MTARC1: variants seen among roughly 807,000 people sequenced by gnomAD.
MTARC1 encodes mitochondrial amidoxime-reducing component 1.
A neutral mutation model predicts 33.6 loss-of-function variants in MTARC1; 24 were observed. That is an observed-to-expected ratio of 0.72 (90% CI 0.52 to 1.01). The LOEUF is 1.01. Among genes scored for constraint, MTARC1 ranks in the 50% least tolerant of loss-of-function variants. The pLI is 0.00. For synonymous variants in MTARC1, 187 were observed against 189.5 expected (o/e 0.99, Z 0.11); for missense variants, 417 against 445.7 (o/e 0.94, Z 0.58).
intron 6 of MTARC1, among the ~76,000 whole-genome samples, chr1:220,809,134 C>T (rs1673054270): frequency 6.6e-6 from 1 of 152,202 alleles, no homozygotes. Context: ...CCTAGTCTGG[C>T]TCTGTCACCT....
chr1:220,787,342 CTG>C lies in MTARC1; in HGVS notation c.275+124_275+125del, dbSNP rs1454160792. The C allele has an allele frequency of 3.0e-6, 4 of 1,338,080 alleles. No homozygotes were observed. In the African/African-American group the frequency reaches 6.1e-5, roughly 21 times the overall value. 82.9% of individuals were successfully genotyped at this position (1,338,080 alleles called of 1,614,324 possible). On this transcript the variant is annotated intron_variant, in intron 1 of 6. Transcript: ENST00000366910. Reference sequence around the variant, plus strand: ...GGTCCTTCCTCCTATTACAAAGAAACTGGGAGTTGGGTGAGACAAGGCCAAAG... The same window carrying C: ...GGTCCTTCCTCCTATTACAAAGAAACGGAGTTGGGTGAGACAAGGCCAAAG...
chr1:220,805,315 C>T, intron 6 of MTARC1, 41 bp downstream of exon 6: 4 of 1,604,996 alleles, frequency 2.5e-6, no homozygotes, highest in Non-Finnish European at 3.4e-6. Context: ...GGTTTAGGTG[C>T]CGGGAACGGA....
chr1:220,798,745 T>C (rs1279885421), intron 4 of MTARC1: 1 of 799,308 alleles, frequency 1.3e-6, no homozygotes, highest in Non-Finnish European at 1.5e-6. Flanking sequence ...TCAGGAGCTC[T>C]GGTTGTGCCT....
chr1:220,791,743 T>C (rs1354620294), intron 2 of MTARC1, 79 bp downstream of exon 2: 20 of 1,495,758 alleles, frequency 1.3e-5, no homozygotes. Flanking sequence ...CTAGAGGGAA[T>C]GCTGAGAAAC....
rs1380062542 is a variant in MTARC1, at chr1:220,819,143, A to T, written c.*5725A>T. The T allele has an allele frequency of 1.3e-5, 2 of 152,180 alleles. No homozygotes were observed. The highest frequency in any genetic ancestry group is 4.8e-5 in the African/African-American group (2 of 41,430). The allele number at this position is 152,180 out of a possible 1,614,324, so 9.4% of individuals were successfully genotyped here. ...TTGTTATGATGACCTTTGTTATTCC[A>T]TTAGGCTCAATTGCTTTAAAAAATG... On this transcript the variant is annotated 3_prime_UTR_variant, in exon 7 of 7. Transcript: ENST00000366910.
rs1475967496 is a variant in MTARC1, at chr1:220,815,308, C to T, written c.*1890C>T. 2 of 152,266 alleles carry T rather than the reference C, an allele frequency of 1.3e-5. No homozygotes were observed. Among genetic ancestry groups the T allele is most frequent in the African/African-American group, 2.4e-5 (1 of 41,472 alleles). 9.4% of individuals were successfully genotyped at this position (152,266 alleles called of 1,614,324 possible). Reference sequence around the variant, plus strand: ...ATCAGAAACCCAAGGTTTGGTGGCTCTTCCTAGGTATTTATAATTAGTGGC... The same window carrying T: ...ATCAGAAACCCAAGGTTTGGTGGCTTTTCCTAGGTATTTATAATTAGTGGC... On this transcript the variant is annotated 3_prime_UTR_variant, in exon 7 of 7. Transcript: ENST00000366910.
rs2102614560 is a variant in MTARC1, at chr1:220,814,519, G to A, written c.*1101G>A. ...AAGGTGGGAGAATGGCTTGAGCCCA[G>A]GAGTTTGAGACCAGCCCAGAAAATA... On this transcript the variant is annotated 3_prime_UTR_variant, in exon 7 of 7. Coordinates refer to ENST00000366910, the MANE Select transcript of MTARC1 (RefSeq NM_022746.4). The A allele has an allele frequency of 6.6e-6, 1 of 152,348 alleles. No individual in the cohort carries two copies. The highest frequency in any genetic ancestry group is 2.4e-5 in the African/African-American group (1 of 41,562). The allele number at this position is 152,348 out of a possible 1,614,324, so 9.4% of individuals were successfully genotyped here. A position where few individuals can be genotyped will look rare whatever the true frequency, so the allele number is the denominator to read the frequency against.
chr1:220,817,304 C>T lies in MTARC1; in HGVS notation c.*3886C>T, dbSNP rs750055061. The T allele has an allele frequency of 3.2e-5, 5 of 157,002 alleles. No individual in the cohort carries two copies. The highest frequency in any genetic ancestry group is 2.9e-3 in the Middle Eastern group (1 of 342). The allele number at this position is 157,002 out of a possible 1,614,324, so 9.7% of individuals were successfully genotyped here. ...CTTCAAGAATGAAGCCACAGACCTT[C>T]GCAGTGAGTGTTACAGCTCTTAAAG... On this transcript the variant is annotated 3_prime_UTR_variant, in exon 7 of 7. Transcript: ENST00000366910.
chr1:220,811,529 C>A (rs1673133563), intron 6 of MTARC1, among the ~76,000 whole-genome samples: 1 of 152,174 alleles, frequency 6.6e-6, no homozygotes, highest in South Asian at 2.1e-4. Flanking sequence ...TTCTCCTTAA[C>A]AATTTCTGAT....
chr1:220,812,131 C>T (rs1673151073), intron 6 of MTARC1, among the ~76,000 whole-genome samples: 4 of 152,140 alleles, frequency 2.6e-5, no homozygotes. Flanking sequence ...AGCATGGGGA[C>T]CTGGAGGAGG....
intron 4 of MTARC1, chr1:220,798,433 G>A: frequency 3.0e-6 from 3 of 985,436 alleles, no homozygotes; most frequent in Non-Finnish European, 3.6e-6. Flanking sequence ...GCTGCTGGGT[G>A]AGGGTTGGGA....
In MTARC1 at chr1:220,817,173, A is replaced by G. The variant is rs2102616474; in HGVS notation, c.*3755A>G. On this transcript the variant is annotated 3_prime_UTR_variant, in exon 7 of 7. Coordinates refer to ENST00000366910, the MANE Select transcript of MTARC1 (RefSeq NM_022746.4). ...GAGTGCAGTGGTGAGATCTCAGCTC[A>G]CTGCAGCCTCTGCCTCCCAGGTTCA... The G allele has an allele frequency of 6.6e-6, 1 of 152,194 alleles. No homozygotes were observed. Among genetic ancestry groups the G allele is most frequent in the African/African-American group, 2.4e-5 (1 of 41,010 alleles). 9.4% of individuals were successfully genotyped at this position (152,194 alleles called of 1,614,324 possible).
intron 4 of MTARC1, among the ~76,000 whole-genome samples, chr1:220,799,552 C>T (rs572538592): frequency 8.5e-5 from 13 of 152,204 alleles, no homozygotes; most frequent in South Asian, 4.2e-4. Flanking sequence ...ACTTGTGTTG[C>T]GCTTAAGTAT....
At chr1:220,798,328 A>G (rs1672686823) in intron 4 of MTARC1, 2 of 1,237,296 alleles carry the variant, frequency 1.6e-6, no homozygotes, top group Admixed American at 3.3e-5. Context: ...TGTGTGGGCC[A>G]TGGAACAAAG....
chr1:220,796,849 C>T, intron 3 of MTARC1, 44 bp downstream of exon 3: 1 of 1,544,970 alleles, frequency 6.5e-7, no homozygotes, highest in South Asian at 1.2e-5. Context: ...CAGTCACCCC[C>T]AGATCAGGGG....
intron 4 of MTARC1, chr1:220,798,425 T>C (rs756843521): frequency 2.6e-6 from 3 of 1,173,136 alleles, no homozygotes; most frequent in South Asian, 1.7e-5. Context: ...ACTGCAAGGC[T>C]GCTGGGTGAG....
chr1:220,787,183 C>A lies in MTARC1; in HGVS notation c.239C>A (p.Thr80Lys). 1 of 1,579,504 alleles carries A rather than the reference C, an allele frequency of 6.3e-7. No homozygotes were observed. The highest frequency in any genetic ancestry group is 8.6e-7 in the Non-Finnish European group (1 of 1,163,716). Residue 80 changes from threonine (T) to lysine (K), a missense_variant, in exon 1 of 7, where the codon ACG (threonine) becomes AAG (lysine). Transcript: ENST00000366910. ...KGVPVSEAEC[T>K]AMGLRSGNLR... Reference sequence around the variant, plus strand: ...GTGCCGGTGAGCGAGGCGGAGTGCACGGCCATGGGGCTGCGCAGCGGCAAC... The same window carrying A: ...GTGCCGGTGAGCGAGGCGGAGTGCAAGGCCATGGGGCTGCGCAGCGGCAAC...
chr1:220,808,182 G>A (rs1440794667), intron 6 of MTARC1, among the ~76,000 whole-genome samples: 3 of 152,190 alleles, frequency 2.0e-5, no homozygotes, highest in Non-Finnish European at 4.4e-5. Flanking sequence ...AGCACTTCAC[G>A]TGTTTGGGCT....
In MTARC1 at chr1:220,818,988, C is replaced by T. The variant is rs936410000; in HGVS notation, c.*5570C>T. On this transcript the variant is annotated 3_prime_UTR_variant, in exon 7 of 7. Transcript: ENST00000366910. ...TCGTCCAGCGCTCACATAGCTACCG[C>T]GGATCTGAGCCCGTATGACTCATTT... 4 of 152,144 alleles carry T rather than the reference C, an allele frequency of 2.6e-5. No homozygotes were observed. The highest frequency in any genetic ancestry group is 9.7e-5 in the African/African-American group (4 of 41,416). 9.4% of individuals were successfully genotyped at this position (152,144 alleles called of 1,614,324 possible). A position where few individuals can be genotyped will look rare whatever the true frequency, so the allele number is the denominator to read the frequency against.
Sources: gnomAD v4.1 joint callset for allele counts (sites outside exome capture counted in the v4.1 genomes callset) on GRCh38, gnomAD v4.1.1 for gene constraint, MANE v1.5 for transcripts, NCBI Gene and HGNC (gene_info 2026-07-23, HGNC 2026-07-21) for gene names.